Variants in GRM3 observed in about 807,000 individuals in gnomAD.
GRM3 encodes metabotropic glutamate receptor 3.
GRM3 carries 26 observed loss-of-function variants against 70.5 expected under a neutral mutation model. The observed-to-expected ratio is 0.37, with a 90% CI of 0.27 to 0.51. The LOEUF is 0.51. Among genes scored for constraint, GRM3 ranks in the 20% least tolerant of loss-of-function variants. GRM3 has a pLI of 0.93. For missense variants in GRM3, 859 were observed against 1,123.8 expected, an observed-to-expected ratio of 0.76 and a Z score of 3.37; for synonymous variants, 443 against 434.9, an observed-to-expected ratio of 1.02 and a Z score of -0.23.
intron 1 of GRM3, among the ~76,000 whole-genome samples, chr7:86,661,828 AAACC>A (rs1411172670): frequency 6.6e-6 from 1 of 151,958 alleles, no homozygotes; most frequent in Non-Finnish European, 1.5e-5. Flanking sequence ...ACAAGGCTAG[AAACC>A]AACATTAGCT....
At chr7:86,862,693 C>G (rs1798983365) in intron 5 of GRM3, among the ~76,000 whole-genome samples, 3 of 152,088 alleles carry the variant, frequency 2.0e-5, no homozygotes, top group Admixed American at 2.0e-4. Context: ...ACATACCTAG[C>G]CAAGCAATCA....
chr7:86,694,896 C>A (rs1355259428), intron 1 of GRM3, among the ~76,000 whole-genome samples: 1 of 152,162 alleles, frequency 6.6e-6, no homozygotes, highest in Non-Finnish European at 1.5e-5. Context: ...ATGTTGTTCA[C>A]AGTCTACTTT....
rs746760186 is a variant in GRM3, at chr7:86,765,581, A to G, written c.436A>G (p.Ile146Val). Residue 146 changes from isoleucine to valine, a missense_variant, in exon 2 of 6, where the codon ATT (isoleucine) becomes GTT (valine). By Grantham distance (29) the Ile-to-Val change is conservative. Transcript: ENST00000361669. ...ENIPLLIAGVIGGSYSSVSIQ... is the reference protein window; with the variant it reads ...ENIPLLIAGVVGGSYSSVSIQ... ...CATCCCACTTCTCATTGCAGGGGTCATTGGTGGCTCTTATAGCAGTGTTTC... is the reference window on the plus strand; with the variant it reads ...CATCCCACTTCTCATTGCAGGGGTCGTTGGTGGCTCTTATAGCAGTGTTTC... 5.6e-6 allele frequency: 9 copies of G among 1,613,508 alleles called. No homozygotes were observed. The highest frequency in any genetic ancestry group is 6.8e-6 in the Non-Finnish European group (8 of 1,179,622).
Position 86,839,878 on chromosome 7 carries a change from A to G in GRM3, c.2364A>G (p.Ile788Met), listed in dbSNP as rs1798528880. The G allele has an allele frequency of 2.5e-6, 4 of 1,599,672 alleles. No individual in the cohort carries two copies. The highest frequency in any genetic ancestry group is 3.4e-6 in the Non-Finnish European group (4 of 1,166,958). ...TCIIWLAFLP[I>M]FYVTSSDYRV... ...TCATCTGGTTGGCCTTCCTCCCTAT[A>G]TTTTATGTGACATCAAGTGACTACA... The change falls in exon 4 of 6, where the codon ATA becomes ATG. Residue 788 changes from isoleucine (I) to methionine (M), a missense_variant. Ile to Met is a conservative substitution (Grantham distance 10). Transcript: ENST00000361669. This position sits in a 1 kb window ranked among gnomAD's most constrained non-coding sequence, Gnocchi z 4.5.
At chr7:86,789,999 C>T (rs562155043) in intron 3 of GRM3, among the ~76,000 whole-genome samples, 183 of 152,292 alleles carry the variant, frequency 1.2e-3, no homozygotes, top group Non-Finnish European at 1.5e-3. Flanking sequence ...GGTCTCTAGG[C>T]TCATCTCCTG....
intron 3 of GRM3, among the ~76,000 whole-genome samples, chr7:86,798,027 C>T (rs1314704022): frequency 6.6e-6 from 1 of 152,172 alleles, no homozygotes; most frequent in Non-Finnish European, 1.5e-5. Flanking sequence ...GGTTTGGGAA[C>T]CTCAGCCTGG....
At chr7:86,782,644 A>G (rs1376607155) in intron 2 of GRM3, among the ~76,000 whole-genome samples, 2 of 152,210 alleles carry the variant, frequency 1.3e-5, no homozygotes, top group Non-Finnish European at 2.9e-5. Context: ...TCTATGTTGT[A>G]TATGGGGACG....
intron 3 of GRM3, among the ~76,000 whole-genome samples, chr7:86,834,351 CT>C (rs1254439964): frequency 1.1e-4 from 17 of 152,216 alleles, no homozygotes; most frequent in African/African-American, 3.8e-4. Context: ...GTATTTTCTA[CT>C]TGCCATCACA....
intron 3 of GRM3, among the ~76,000 whole-genome samples, chr7:86,824,854 G>A (rs1798199937): frequency 6.6e-6 from 1 of 151,850 alleles, no homozygotes; most frequent in Admixed American, 6.6e-5. Context: ...ACACCCATAA[G>A]GTATTATGTT....
chr7:86,817,428 G>A (rs1798038667), intron 3 of GRM3, among the ~76,000 whole-genome samples: 1 of 151,852 alleles, frequency 6.6e-6, no homozygotes, highest in Non-Finnish European at 1.5e-5. Context: ...TCTTATTTAT[G>A]AATATAAAAT....
chr7:86,812,775 T>C (rs1037566536), intron 3 of GRM3, among the ~76,000 whole-genome samples: 1 of 151,834 alleles, frequency 6.6e-6, no homozygotes, highest in African/African-American at 2.4e-5. Flanking sequence ...TTTATGTTTT[T>C]AGTGGAAATG....
Position 86,810,459 on chromosome 7 carries a change from T to C in GRM3, c.1324+23343T>C, listed in dbSNP as rs537003029. Among the ~76,000 whole-genome samples the C allele has an allele frequency of 9.3e-4, 141 of 152,146 alleles. No homozygotes were observed. In the Middle Eastern group the frequency reaches 0.01, roughly 11 times the overall value. On this transcript the variant is annotated intron_variant, in intron 3 of 5. Coordinates refer to ENST00000361669, the MANE Select transcript of GRM3 (RefSeq NM_000840.3). ...CCTCATGTCATCGGGAGTTTTATAC[T>C]TTCGTTCCACTTCACTGAAAATAAC...
chr7:86,766,460 AAAG>A (rs1025003673), intron 2 of GRM3, among the ~76,000 whole-genome samples: 3 of 152,096 alleles, frequency 2.0e-5, no homozygotes, highest in Admixed American at 2.0e-4. Flanking sequence ...TTTTGTTGGG[AAAG>A]AAGAAATATA....
At chr7:86,856,844 C>T (rs909921123) in intron 5 of GRM3, among the ~76,000 whole-genome samples, 5 of 152,090 alleles carry the variant, frequency 3.3e-5, no homozygotes, top group African/African-American at 1.2e-4. Flanking sequence ...GCTAGGTTTT[C>T]CCCTAGTAAA....
chr7:86,785,836 A>C (rs1797224105), intron 2 of GRM3, among the ~76,000 whole-genome samples: 1 of 151,938 alleles, frequency 6.6e-6, no homozygotes, highest in Non-Finnish European at 1.5e-5. Flanking sequence ...GAATTAGACA[A>C]CACCCTTGCT....
chr7:86,852,417 T>G (rs1350504152), intron 5 of GRM3, among the ~76,000 whole-genome samples: 2 of 152,142 alleles, frequency 1.3e-5, no homozygotes. Flanking sequence ...CAAGGGCACT[T>G]TCTCCAATCA....
At chr7:86,680,835 T>C (rs1458291087) in intron 1 of GRM3, among the ~76,000 whole-genome samples, 1 of 152,072 alleles carries the variant, frequency 6.6e-6, no homozygotes, top group Non-Finnish European at 1.5e-5. Flanking sequence ...AAACACAATT[T>C]CATAGGTACT....
At chr7:86,763,882 C>G in intron 1 of GRM3, among the ~76,000 whole-genome samples, 1 of 152,090 alleles carries the variant, frequency 6.6e-6, no homozygotes, top group Non-Finnish European at 1.5e-5. Flanking sequence ...GGTAGCAGCT[C>G]TCTAGGAATT....
chr7:86,697,266 A>G (rs544689112), intron 1 of GRM3, among the ~76,000 whole-genome samples: 2 of 151,918 alleles, frequency 1.3e-5, no homozygotes, highest in South Asian at 4.1e-4. Context: ...AAGTAAGGAC[A>G]ATTATAGTAT....
Sources: allele counts gnomAD v4.1 joint callset (sites outside exome capture counted in the v4.1 genomes callset), GRCh38; gene constraint gnomAD v4.1.1; non-coding constraint Gnocchi (gnomAD v3.1); transcripts MANE v1.5; gene names NCBI Gene and HGNC (gene_info 2026-07-23, HGNC 2026-07-21).